Variants in RAB3C observed in about 807,000 individuals in gnomAD.
The protein encoded by RAB3C is ras-related protein Rab-3C.
In RAB3C, 17 loss-of-function variants were observed where a neutral mutation model predicts 26.4. That is an observed-to-expected ratio of 0.64 (90% CI 0.44 to 0.97). RAB3C has a LOEUF of 0.97. RAB3C is among the 50% of genes least tolerant of loss of function. RAB3C has a pLI of 0.00. For synonymous variants in RAB3C, 91 were observed against 95.9 expected (o/e 0.95, Z 0.30); for missense variants, 242 against 281.9 (o/e 0.86, Z 1.01).
intron 3 of RAB3C, among the ~76,000 whole-genome samples, chr5:58,750,223 G>A (rs1322794553): frequency 6.6e-6 from 1 of 152,122 alleles, no homozygotes; most frequent in African/African-American, 2.4e-5. Context: ...ACTTTGGCAA[G>A]GGACCAATTC....
intron 2 of RAB3C, among the ~76,000 whole-genome samples, chr5:58,651,597 A>G (rs1747650366): frequency 6.6e-6 from 1 of 152,236 alleles, no homozygotes; most frequent in Non-Finnish European, 1.5e-5. Context: ...AAATAAAACT[A>G]AGCATTATAT....
At chr5:58,771,914 A>G (rs866236364) in intron 3 of RAB3C, among the ~76,000 whole-genome samples, 1 of 148,266 alleles carries the variant, frequency 6.7e-6, no homozygotes, top group Non-Finnish European at 1.5e-5. Flanking sequence ...TCTCAAGGCT[A>G]AGCACTACAA....
chr5:58,845,594 C>A (rs1164249057), intron 4 of RAB3C, among the ~76,000 whole-genome samples: 2 of 74,590 alleles, frequency 2.7e-5, no homozygotes, highest in African/African-American at 1.2e-4. Context: ...GTGATTCTTA[C>A]TATATATATA....
At chr5:58,756,596 C>T (rs1325851882) in intron 3 of RAB3C, among the ~76,000 whole-genome samples, 2 of 133,426 alleles carry the variant, frequency 1.5e-5, no homozygotes, top group South Asian at 2.5e-4. Context: ...TCTCATTGTT[C>T]AACTCCCACT....
rs1231231068 is a variant in RAB3C at position 58,858,950 on chromosome 5, C to G, written c.*7599C>G. The G allele has an allele frequency of 6.6e-6, 1 of 152,188 alleles. No individual in the cohort carries two copies. The highest frequency in any genetic ancestry group is 1.5e-5 in the Non-Finnish European group (1 of 68,024). 9.4% of individuals were successfully genotyped at this position (152,188 alleles called of 1,614,324 possible). ...GATTGTCCGACCTAATGCCACCTGG[C>G]AGATGTGTACCCAGAGATTTTTCTG... is the stretch of plus-strand genomic sequence containing the variant. On this transcript the variant is annotated 3_prime_UTR_variant, in exon 5 of 5. Coordinates refer to ENST00000282878, the MANE Select transcript of RAB3C (RefSeq NM_138453.4).
chr5:58,607,022 G>A (rs946760467), intron 1 of RAB3C, among the ~76,000 whole-genome samples: 1 of 152,164 alleles, frequency 6.6e-6, no homozygotes, highest in Admixed American at 6.5e-5. Flanking sequence ...AAAGATCGCA[G>A]CTCCTTGCCA....
At chr5:58,612,530 A>G (rs879907363) in intron 1 of RAB3C, among the ~76,000 whole-genome samples, 23,372 of 67,696 alleles carry the variant, frequency 0.35, 2,749 homozygotes, top group East Asian at 0.51. Flanking sequence ...GTATATATAT[A>G]TATATATATA....
chr5:58,806,643 T>C (rs1561136756), intron 3 of RAB3C, among the ~76,000 whole-genome samples: 1 of 152,120 alleles, frequency 6.6e-6, no homozygotes, highest in Non-Finnish European at 1.5e-5. Flanking sequence ...ATAGCATCTC[T>C]GGCCTCTATC....
At chr5:58,752,713 A>G (rs1257322438) in intron 3 of RAB3C, among the ~76,000 whole-genome samples, 2 of 152,186 alleles carry the variant, frequency 1.3e-5, no homozygotes, top group African/African-American at 4.8e-5. Context: ...GGGGAATTAT[A>G]GAGATCTGAA....
At chr5:58,738,459 G>A (rs936282712) in intron 3 of RAB3C, among the ~76,000 whole-genome samples, 5 of 152,118 alleles carry the variant, frequency 3.3e-5, no homozygotes, top group Admixed American at 6.6e-5. Context: ...CAAATAGTTC[G>A]AAACACATGT....
At chr5:58,716,964 T>C (rs1356070758) in intron 2 of RAB3C, among the ~76,000 whole-genome samples, 1 of 152,004 alleles carries the variant, frequency 6.6e-6, no homozygotes, top group African/African-American at 2.4e-5. Flanking sequence ...CTATGGACTT[T>C]GGGTGATAAT....
intron 3 of RAB3C, among the ~76,000 whole-genome samples, chr5:58,786,747 A>C (rs1742393481): frequency 6.6e-6 from 1 of 151,950 alleles, no homozygotes; most frequent in Non-Finnish European, 1.5e-5. Flanking sequence ...CCAATCTAGG[A>C]AGTAAAGAAC....
intron 2 of RAB3C, among the ~76,000 whole-genome samples, chr5:58,724,074 T>C (rs1283259701): frequency 6.6e-6 from 1 of 151,816 alleles, no homozygotes; most frequent in East Asian, 1.9e-4. Flanking sequence ...GATTCCCAAA[T>C]TGAACTGTTA....
chr5:58,753,001 A>G (rs1741567292), intron 3 of RAB3C, among the ~76,000 whole-genome samples: 1 of 152,084 alleles, frequency 6.6e-6, no homozygotes, highest in Admixed American at 6.5e-5. Flanking sequence ...ACCTTAAAGA[A>G]TGAAAAGGAA....
At chr5:58,814,340 C>G (rs532937409) in intron 3 of RAB3C, among the ~76,000 whole-genome samples, 1 of 152,276 alleles carries the variant, frequency 6.6e-6, no homozygotes, top group Admixed American at 6.5e-5. Context: ...TCTCACAAAC[C>G]TCGGTGTTCA....
At chr5:58,598,966 A>T (rs1579808891) in intron 1 of RAB3C, among the ~76,000 whole-genome samples, 1 of 152,182 alleles carries the variant, frequency 6.6e-6, no homozygotes. Context: ...AGCGTTTAAC[A>T]CATACCAACA....
At chr5:58,617,962 A>G (rs1041809081) in intron 2 of RAB3C, 92 bp downstream of exon 2, 14 of 761,870 alleles carry the variant, frequency 1.8e-5, no homozygotes, top group Non-Finnish European at 2.8e-5. Flanking sequence ...TTCTATCCCC[A>G]GGGCATCCAC....
At chr5:58,701,687 G>T (rs1338449386) in intron 2 of RAB3C, among the ~76,000 whole-genome samples, 2 of 152,162 alleles carry the variant, frequency 1.3e-5, no homozygotes, top group Admixed American at 6.5e-5. Flanking sequence ...GCATTCAGAG[G>T]CCACCTGCAT....
intron 3 of RAB3C, among the ~76,000 whole-genome samples, chr5:58,729,562 A>C (rs1054862846): frequency 6.6e-6 from 1 of 151,114 alleles, no homozygotes; most frequent in East Asian, 1.9e-4. Context: ...TTTCATCCAT[A>C]TTGTAGCATG....
Sources: gnomAD v4.1 joint callset for allele counts (sites outside exome capture counted in the v4.1 genomes callset) on GRCh38, gnomAD v4.1.1 for gene constraint, MANE v1.5 for transcripts, NCBI Gene and HGNC (gene_info 2026-07-23, HGNC 2026-07-21) for gene names.